Variants in DNMT3L observed in about 807,000 individuals in gnomAD.
The protein encoded by DNMT3L is DNA methyltransferase 3 like.
A neutral mutation model predicts 36.2 loss-of-function variants in DNMT3L; 33 were observed. That is an observed-to-expected ratio of 0.91 (90% CI 0.69 to 1.22). DNMT3L has a LOEUF of 1.22. DNMT3L is among the 50% of genes most tolerant of loss of function. The pLI, the probability that DNMT3L is intolerant of heterozygous loss-of-function variation, is 0.00. For missense variants in DNMT3L, 310 were observed against 303.1 expected, an observed-to-expected ratio of 1.02 and a Z score of -0.17; for synonymous variants, 117 against 121.7, an observed-to-expected ratio of 0.96 and a Z score of 0.26.
In DNMT3L at chr21:44,261,810, G is replaced by A. The variant is rs2040322379; in HGVS notation, c.-78C>T. ...GGTTCCAGTGGTCCGGGGCTTCCAG[G>A]CTCAGGGTCCCCGGGGAGGACTGGG... On this transcript the variant is annotated 5_prime_UTR_variant, in exon 1 of 12. Coordinates refer to ENST00000628202, the MANE Select transcript of DNMT3L (RefSeq NM_175867.3). 6.5e-6 allele frequency: 1 copy of A among 153,276 alleles called. No homozygotes were observed. The highest frequency in any genetic ancestry group is 1.5e-5 in the Non-Finnish European group (1 of 68,720). 9.5% of individuals were successfully genotyped at this position (153,276 alleles called of 1,614,324 possible).
intron 6 of DNMT3L, among the ~76,000 whole-genome samples, chr21:44,256,975 G>A (rs2040264275): frequency 6.7e-6 from 1 of 148,162 alleles, no homozygotes; most frequent in African/African-American, 2.5e-5. Flanking sequence ...GTGAGCTGGA[G>A]GCCAGTGCAG....
intron 7 of DNMT3L, 84 bp from the exon 8 acceptor site, chr21:44,254,789 A>T: frequency 7.3e-7 from 1 of 1,365,540 alleles, no homozygotes; most frequent in Non-Finnish European, 1.0e-6. Flanking sequence ...ACGGACGATC[A>T]GAGGACCCTC....
In DNMT3L at chr21:44,261,141, G is replaced by A; in HGVS notation, c.106+13C>T. 2 of 1,612,302 alleles carry A rather than the reference G, an allele frequency of 1.2e-6. No individual in the cohort carries two copies. The highest frequency in any genetic ancestry group is 1.1e-5 in the South Asian group (1 of 91,050). ...TCCTAAGTGACTGGTCCAATAAGCAGATGAGCCCTCACCTCTGCCTGTCCC... is the reference window on the plus strand; with the variant it reads ...TCCTAAGTGACTGGTCCAATAAGCAAATGAGCCCTCACCTCTGCCTGTCCC... On this transcript the variant is annotated intron_variant, in intron 2 of 11. Transcript: ENST00000628202.
At chr21:44,254,776 C>A in intron 7 of DNMT3L, 71 bp from the exon 8 acceptor site, 1 of 1,498,254 alleles carries the variant, frequency 6.7e-7, no homozygotes. Context: ...CTCGAAAAGG[C>A]TGACGGACGA....
chr21:44,258,042 A>C lies in DNMT3L; in HGVS notation c.516+481T>G, dbSNP rs572658216. Among the ~76,000 whole-genome samples the C allele has an allele frequency of 6.6e-6, 1 of 152,356 alleles. No individual in the cohort carries two copies. Among genetic ancestry groups the C allele is most frequent in the African/African-American group, 2.4e-5 (1 of 41,584 alleles). On this transcript the variant is annotated intron_variant, in intron 6 of 11. Transcript: ENST00000628202. This position sits in a 1 kb window ranked among gnomAD's most constrained non-coding sequence, Gnocchi z 6.2. ...TCATCTCGTGATCCTTAACTAAATT[A>C]CATCTGCAAAAACCCTGTTTCCAAA...
At chr21:44,261,388 C>T (rs1201993121) in intron 1 of DNMT3L, 122 bp from the exon 2 acceptor site, 7 of 898,628 alleles carry the variant, frequency 7.8e-6, no homozygotes, top group Non-Finnish European at 1.0e-5. Flanking sequence ...GCCACCTGAA[C>T]CCCCGCGGTG....
chr21:44,261,891 CTGGGACAGCGGGTGGCCAGAGG>C (rs2146361218), exon 1 of DNMT3L: 1 of 145,074 alleles, frequency 6.9e-6, no homozygotes, highest in Non-Finnish European at 1.5e-5. Flanking sequence ...CCAGGCCCAC[CTGGGACAGCGGGTGGCCAGAGG>C]TCACCAGGCT....
At chr21:44,255,209 G>T (rs538634333) in intron 7 of DNMT3L, among the ~76,000 whole-genome samples, 4 of 152,242 alleles carry the variant, frequency 2.6e-5, no homozygotes, top group African/African-American at 9.6e-5. Flanking sequence ...AGCAAACATT[G>T]CCAAGTATTG....
chr21:44,259,346 A>G (rs765632131), intron 5 of DNMT3L, 91 bp downstream of exon 5: 1 of 1,311,398 alleles, frequency 7.6e-7, no homozygotes, highest in Non-Finnish European at 1.1e-6. Flanking sequence ...TCCATTTGGG[A>G]AGAAAATCCA....
intron 7 of DNMT3L, among the ~76,000 whole-genome samples, chr21:44,255,068 TC>T (rs2040246612): frequency 6.6e-6 from 1 of 151,918 alleles, no homozygotes; most frequent in African/African-American, 2.4e-5. Flanking sequence ...CCTCAAATGT[TC>T]CGCCCACTTC....
At chr21:44,260,928 T>C in intron 2 of DNMT3L, 89 bp from the exon 3 acceptor site, 2 of 1,599,470 alleles carry the variant, frequency 1.3e-6, no homozygotes, top group Non-Finnish European at 1.7e-6. Context: ...ACAATTCGTT[T>C]TCCAAAGTCA....
rs1049805329 is a variant in DNMT3L, at chr21:44,258,273, C to A, written c.516+250G>T. On this transcript the variant is annotated intron_variant, in intron 6 of 11. Coordinates refer to ENST00000628202, the MANE Select transcript of DNMT3L (RefSeq NM_175867.3). This position sits in a 1 kb window ranked among gnomAD's most constrained non-coding sequence, Gnocchi z 6.2. ...TTGAGACGTGCCAGCCACCCTCTCC[C>A]GGCCCCTCTCCCATCTGCTACCAGG... Among the ~76,000 whole-genome samples the A allele has an allele frequency of 6.6e-6, 1 of 152,170 alleles. No individual in the cohort carries two copies. The highest frequency in any genetic ancestry group is 1.5e-5 in the Non-Finnish European group (1 of 68,020).
Position 44,260,902 on chromosome 21 carries a change from C to G in DNMT3L, c.107-63G>C, listed in dbSNP as rs2040311795. Reference sequence around the variant, plus strand: ...CTCTGATCTCTTAATTTAAATTCGGCCAGGAAGTGAGCATCACAATTCGTT... The same window carrying G: ...CTCTGATCTCTTAATTTAAATTCGGGCAGGAAGTGAGCATCACAATTCGTT... On this transcript the variant is annotated intron_variant, in intron 2 of 11. Transcript: ENST00000628202. 4 of 1,610,296 alleles carry G rather than the reference C, an allele frequency of 2.5e-6. No individual in the cohort carries two copies. The South Asian group carries it at 4.4e-5, about 18-fold the overall frequency.
chr21:44,254,903 G>GGGAGGCT (rs2040245502), intron 7 of DNMT3L, among the ~76,000 whole-genome samples, 198 bp from the exon 8 acceptor site: 1 of 152,184 alleles, frequency 6.6e-6, no homozygotes, highest in Admixed American at 6.5e-5. Context: ...TTGGCTCACT[G>GGGAGGCT]CAACCTCCGC....
At chr21:44,259,856 C>T (rs2040301055) in intron 3 of DNMT3L, 145 bp from the exon 4 acceptor site, 1 of 860,778 alleles carries the variant, frequency 1.2e-6, no homozygotes, top group Non-Finnish European at 1.8e-6. Context: ...GAAGATGGAA[C>T]AAAATGGAAA....
At chr21:44,260,640 T>C (rs2070564) in intron 3 of DNMT3L, among the ~76,000 whole-genome samples, 155 bp downstream of exon 3, 5,934 of 152,232 alleles carry the variant, frequency 0.039, 285 homozygotes, top group East Asian at 0.27. Context: ...TATTTTTTTG[T>C]AGAGACAGAG....
chr21:44,256,327 C>G (rs934594267), intron 6 of DNMT3L, among the ~76,000 whole-genome samples, 173 bp from the exon 7 acceptor site: 1 of 152,022 alleles, frequency 6.6e-6, no homozygotes, highest in Non-Finnish European at 1.5e-5. Context: ...ACTGCCCCCC[C>G]AGGAAGGCCA....
chr21:44,260,202 C>G (rs2040304732), intron 3 of DNMT3L, among the ~76,000 whole-genome samples: 1 of 151,898 alleles, frequency 6.6e-6, no homozygotes, highest in Non-Finnish European at 1.5e-5. Flanking sequence ...TGCAAAGGAT[C>G]CAGAAAAGGC....
chr21:44,260,753 C>CTT, intron 3 of DNMT3L, 42 bp downstream of exon 3: 1 of 1,612,622 alleles, frequency 6.2e-7, no homozygotes, highest in Non-Finnish European at 8.5e-7. Flanking sequence ...CCACTGTGCC[C>CTT]CGTCTCTTTT....
Sources: gnomAD v4.1 joint callset for allele counts (sites outside exome capture counted in the v4.1 genomes callset) on GRCh38, gnomAD v4.1.1 for gene constraint, Gnocchi (gnomAD v3.1) non-coding constraint, MANE v1.5 for transcripts, NCBI Gene and HGNC (gene_info 2026-07-23, HGNC 2026-07-21) for gene names.